Variants in CACNA1B observed in about 807,000 individuals in gnomAD.
CACNA1B encodes the protein calcium voltage-gated channel subunit alpha1 B, also known as voltage-dependent N-type calcium channel subunit alpha-1B.
A neutral mutation model predicts 247.2 loss-of-function variants in CACNA1B; 70 were observed. That is an observed-to-expected ratio of 0.28 (90% confidence interval 0.23 to 0.35). The LOEUF (loss-of-function observed/expected upper bound fraction) is 0.35, where lower values mean the gene tolerates loss of function less well. Among genes scored for constraint, CACNA1B ranks in the 10% least tolerant of loss-of-function variants. The probability of loss-of-function intolerance (pLI) is 1.00; values close to 1 mark genes in which losing one functional copy is unlikely to be tolerated. For synonymous variants in CACNA1B, 1,231 were observed against 1,294.4 expected, an observed-to-expected ratio of 0.95 and a Z score of 1.05; for missense variants, 2,367 against 3,197.4, an observed-to-expected ratio of 0.74 and a Z score of 6.26.
intron 40 of CACNA1B, among the ~76,000 whole-genome samples, chr9:138,113,614 C>G (rs577399061): frequency 7.2e-6 from 1 of 138,762 alleles, no homozygotes; most frequent in South Asian, 2.5e-4. Flanking sequence ...AGGTGCCCAA[C>G]TCCATCTTGT....
Position 138,024,951 on chromosome 9 carries a change from G to T in CACNA1B, c.3069-4G>T. 1 of 1,565,312 alleles carries T rather than the reference G, an allele frequency of 6.4e-7. No homozygotes were observed. Among genetic ancestry groups the T allele is most frequent in the South Asian group, 1.2e-5 (1 of 85,070 alleles). On this transcript the variant is annotated splice_region_variant and splice_polypyrimidine_tract_variant and intron_variant, in intron 19 of 46. Coordinates refer to ENST00000371372, the MANE Select transcript of CACNA1B (RefSeq NM_000718.4). Reference sequence around the variant, plus strand: ...CGAGGCCTGATGTACATTCTTGATTGCAGGGAGCCACACTGTGACCTGGAG... The same window carrying T: ...CGAGGCCTGATGTACATTCTTGATTTCAGGGAGCCACACTGTGACCTGGAG...
Position 138,121,345 on chromosome 9 carries a change from C to T in CACNA1B, c.6490-124C>T. 2.8e-6 allele frequency: 2 copies of T among 703,938 alleles called. No individual in the cohort carries two copies. Among genetic ancestry groups the T allele is most frequent in the East Asian group, 2.8e-5 (1 of 35,732 alleles). 43.6% of individuals were successfully genotyped at this position (703,938 alleles called of 1,614,324 possible). A position where few individuals can be genotyped will look rare whatever the true frequency, so the allele number is the denominator to read the frequency against. Reference sequence around the variant, plus strand: ...CTCCCTGGTCACCGCAGCCCGTTGTCCCCCATTGCCTCCCTCTCTCCTCCC... The same window carrying T: ...CTCCCTGGTCACCGCAGCCCGTTGTTCCCCATTGCCTCCCTCTCTCCTCCC... On this transcript the variant is annotated intron_variant, in intron 46 of 46. Transcript: ENST00000371372. The surrounding 1 kb of genome is among the most constrained non-coding windows in gnomAD (Gnocchi z 6.8).
chr9:138,092,291 C>T (rs984934264), intron 36 of CACNA1B, among the ~76,000 whole-genome samples: 1 of 152,184 alleles, frequency 6.6e-6, no homozygotes, highest in African/African-American at 2.4e-5. Flanking sequence ...CATCCCTGGT[C>T]GTCAACCACA....
In CACNA1B at chr9:137,942,119, TCAAA is replaced by T. The variant is rs1425753571; in HGVS notation, c.967-10150_967-10147del. Among the ~76,000 whole-genome samples the T allele has an allele frequency of 2.6e-5, 4 of 151,794 alleles. No homozygotes were observed. The East Asian group carries it at 5.8e-4, about 22-fold the overall frequency. On this transcript the variant is annotated intron_variant, in intron 6 of 46. Coordinates refer to ENST00000371372, the MANE Select transcript of CACNA1B (RefSeq NM_000718.4). The stretch of plus-strand genomic sequence containing the variant: ...CTAATATCCAGAATCCACAATGAAC[TCAAA>T]CAAATTAGCAAGAAAAAAAATCCCA...
intron 10 of CACNA1B, among the ~76,000 whole-genome samples, chr9:137,970,874 G>A (rs113926845): frequency 0.01 from 1,573 of 152,298 alleles, 9 homozygotes; most frequent in South Asian, 0.012. Context: ...TGGACCATGC[G>A]TAAACCGATG....
rs1309050637 is a variant in CACNA1B, at chr9:138,011,670, G to A, written c.2161-1459G>A. ...AGAGGGTGGGAAGCTGGATGCAGCC[G>A]GATCTGCGAGGAGGGACCTGGGTGT... is the stretch of plus-strand genomic sequence containing the variant. On this transcript the variant is annotated intron_variant, in intron 17 of 46. Coordinates refer to ENST00000371372, the MANE Select transcript of CACNA1B (RefSeq NM_000718.4). This position sits in a 1 kb window ranked among gnomAD's most constrained non-coding sequence, Gnocchi z 4.2. Among the ~76,000 whole-genome samples the A allele has an allele frequency of 1.3e-5, 2 of 152,194 alleles. No individual in the cohort carries two copies. The highest frequency in any genetic ancestry group is 2.9e-5 in the Non-Finnish European group (2 of 68,030).
rs967976289 is a variant in CACNA1B at position 137,917,157 on chromosome 9, C to T, written c.776-84C>T. The T allele has an allele frequency of 6.9e-6, 9 of 1,296,974 alleles. No homozygotes were observed. In the South Asian group the frequency reaches 1.3e-4, roughly 19 times the overall value. 80.3% of individuals were successfully genotyped at this position (1,296,974 alleles called of 1,614,324 possible). Reference sequence around the variant, plus strand: ...CTGGTTCCTGCCCACCTGCTGTGAGCTCTCCAGAGCCCAGGAATCCTGGTG... The same window carrying T: ...CTGGTTCCTGCCCACCTGCTGTGAGTTCTCCAGAGCCCAGGAATCCTGGTG... On this transcript the variant is annotated intron_variant, in intron 5 of 46. Transcript: ENST00000371372. This position sits in a 1 kb window ranked among gnomAD's most constrained non-coding sequence, Gnocchi z 5.5.
At chr9:137,959,719 C>T (rs988097170) in intron 10 of CACNA1B, among the ~76,000 whole-genome samples, 4 of 152,138 alleles carry the variant, frequency 2.6e-5, no homozygotes, top group Admixed American at 1.3e-4. Context: ...TCGCCTGTGT[C>T]GAGTGCTTGT....
At position 137,960,128 on chromosome 9, in the gene CACNA1B, C is replaced by T. The variant is rs367565588; in HGVS notation, c.1333+2441C>T. Among the ~76,000 whole-genome samples, 19 of 109,962 alleles carry T rather than the reference C, an allele frequency of 1.7e-4. No individual in the cohort carries two copies. The South Asian group carries it at 5.9e-3, about 34-fold the overall frequency. The allele number at this position is 109,962 out of a possible 152,430, so 72.1% of individuals were successfully genotyped here. On this transcript the variant is annotated intron_variant, in intron 10 of 46. Transcript: ENST00000371372. ...TCAGCCTGAGGAACTACTCTCAGGCCGACCTGGAGAGAGAGGGGAGCTTGG... is the reference window on the plus strand; with the variant it reads ...TCAGCCTGAGGAACTACTCTCAGGCTGACCTGGAGAGAGAGGGGAGCTTGG...
chr9:137,931,833 G>C (rs1260997476), intron 6 of CACNA1B, among the ~76,000 whole-genome samples: 1 of 152,072 alleles, frequency 6.6e-6, no homozygotes, highest in Non-Finnish European at 1.5e-5. Flanking sequence ...GAGATTTAAT[G>C]AACATGGTCC....
At chr9:138,109,813 G>A (rs1484749251) in intron 39 of CACNA1B, among the ~76,000 whole-genome samples, 3 of 152,210 alleles carry the variant, frequency 2.0e-5, no homozygotes, top group Non-Finnish European at 2.9e-5. Context: ...GCTCACGCCT[G>A]TAATTCCAAC....
chr9:138,040,629 AG>A, intron 20 of CACNA1B: 1 of 424,744 alleles, frequency 2.4e-6, no homozygotes, highest in South Asian at 1.7e-5. Flanking sequence ...CCGATGTTCG[AG>A]GGCAGGAAGC....
intron 36 of CACNA1B, among the ~76,000 whole-genome samples, chr9:138,087,012 A>C (rs1427768050): frequency 6.6e-6 from 1 of 150,906 alleles, no homozygotes; most frequent in East Asian, 2.0e-4. Flanking sequence ...TAACAAGGGG[A>C]GCTTTTGAAA....
intron 34 of CACNA1B, among the ~76,000 whole-genome samples, chr9:138,074,406 A>G (rs1960243238): frequency 6.6e-6 from 1 of 151,978 alleles, no homozygotes; most frequent in Admixed American, 6.6e-5. Flanking sequence ...ACGCCCGGCT[A>G]ATTTTTGTAT....
intron 3 of CACNA1B, among the ~76,000 whole-genome samples, chr9:137,892,935 AGCCCGACAGGCCTGAAAC>A (rs1196509666): frequency 1.3e-5 from 2 of 152,192 alleles, no homozygotes; most frequent in Non-Finnish European, 2.9e-5. Flanking sequence ...GGGCTCCCAG[AGCCCGACAGGCCTGAAAC>A]GCCCAGACAC....
At chr9:138,096,678 T>C in intron 37 of CACNA1B, 67 bp downstream of exon 37, 1 of 1,519,546 alleles carries the variant, frequency 6.6e-7, no homozygotes, top group Non-Finnish European at 9.0e-7. Flanking sequence ...GGGATGGGCC[T>C]GGTGGCTTCA....
chr9:137,913,073 G>A lies in CACNA1B; in HGVS notation c.531-107G>A, dbSNP rs1243999395. 2 of 802,300 alleles carry A rather than the reference G, an allele frequency of 2.5e-6. No homozygotes were observed. The highest frequency in any genetic ancestry group is 5.3e-5 in the East Asian group (2 of 37,932). The allele number at this position is 802,300 out of a possible 1,614,324, so 49.7% of individuals were successfully genotyped here. On this transcript the variant is annotated intron_variant, in intron 3 of 46. Transcript: ENST00000371372. This position sits in a 1 kb window ranked among gnomAD's most constrained non-coding sequence, Gnocchi z 5.2. The stretch of plus-strand genomic sequence containing the variant: ...TGGACAGTGGGGACACAGGAATGAA[G>A]GTGTCACTGCTCTTGGGAGACATGA...
intron 3 of CACNA1B, among the ~76,000 whole-genome samples, chr9:137,896,257 A>T (rs1462948747): frequency 1.3e-5 from 2 of 151,848 alleles, no homozygotes; most frequent in Non-Finnish European, 2.9e-5. Context: ...AAAAAAAAAA[A>T]AAAGTTAGCT....
chr9:138,105,690 T>C lies in CACNA1B; in HGVS notation c.5320-9T>C. 2 of 1,516,894 alleles carry C rather than the reference T, an allele frequency of 1.3e-6. No individual in the cohort carries two copies. The highest frequency in any genetic ancestry group is 2.4e-5 in the South Asian group (2 of 83,508). The allele number at this position is 1,516,894 out of a possible 1,614,324, so 94.0% of individuals were successfully genotyped here. On this transcript the variant is annotated splice_polypyrimidine_tract_variant and intron_variant, in intron 38 of 46. Coordinates refer to ENST00000371372, the MANE Select transcript of CACNA1B (RefSeq NM_000718.4). ...AGGCCTGGCCCTGACCGGCCCTGCTTGTCCCTAGCGCCTGGTTCGCATGAA... is the reference window on the plus strand; with the variant it reads ...AGGCCTGGCCCTGACCGGCCCTGCTCGTCCCTAGCGCCTGGTTCGCATGAA...
Sources: allele counts gnomAD v4.1 joint callset (sites outside exome capture counted in the v4.1 genomes callset), GRCh38; gene constraint gnomAD v4.1.1; non-coding constraint Gnocchi (gnomAD v3.1); transcripts MANE v1.5; gene names NCBI Gene and HGNC (gene_info 2026-07-23, HGNC 2026-07-21).